Variants in LIMA1 observed in about 807,000 individuals in gnomAD.
LIMA1 encodes LIM domain and actin binding 1.
A neutral mutation model predicts 62.6 loss-of-function variants in LIMA1; 52 were observed. That is an observed-to-expected ratio of 0.83 (90% CI 0.67 to 1.05). The LOEUF (loss-of-function observed/expected upper bound fraction) is 1.05, where lower values mean the gene tolerates loss of function less well. Among genes scored for constraint, LIMA1 ranks in the 50% least tolerant of loss-of-function variants. LIMA1 has a pLI of 0.00. For missense variants in LIMA1, 780 were observed against 902.2 expected (o/e 0.86, Z 1.74); for synonymous variants, 302 against 317.8 (o/e 0.95, Z 0.53).
chr12:50,237,717 G>A (rs1941716164), intron 2 of LIMA1, among the ~76,000 whole-genome samples: 1 of 152,090 alleles, frequency 6.6e-6, no homozygotes, highest in Non-Finnish European at 1.5e-5. Flanking sequence ...AAACAAAACA[G>A]TATGATACTG....
At chr12:50,211,445 T>C (rs1862042) in intron 4 of LIMA1, among the ~76,000 whole-genome samples, 96,499 of 148,584 alleles carry the variant, frequency 0.65, 32,902 homozygotes, top group East Asian at 0.9. Context: ...GAGTTTGAGA[T>C]CAGCCTGGGC....
chr12:50,251,349 G>A (rs1046296069), intron 1 of LIMA1, among the ~76,000 whole-genome samples: 25 of 152,046 alleles, frequency 1.6e-4, no homozygotes, highest in African/African-American at 4.8e-4. Flanking sequence ...GGCCAGGCAC[G>A]GTGGCTCACA....
intron 1 of LIMA1, among the ~76,000 whole-genome samples, chr12:50,270,184 G>A (rs1260734739): frequency 7.2e-6 from 1 of 138,628 alleles, no homozygotes; most frequent in South Asian, 2.2e-4. Flanking sequence ...GCGATGAGCC[G>A]AGATCGCGCC....
At chr12:50,254,217 G>T (rs1383216029) in intron 1 of LIMA1, among the ~76,000 whole-genome samples, 1 of 151,990 alleles carries the variant, frequency 6.6e-6, no homozygotes, top group Non-Finnish European at 1.5e-5. Flanking sequence ...AAGAGTTAAA[G>T]GAAACATATA....
chr12:50,256,929 G>A (rs1039586752), intron 1 of LIMA1, among the ~76,000 whole-genome samples: 14 of 152,202 alleles, frequency 9.2e-5, no homozygotes, highest in Admixed American at 2.6e-4. Flanking sequence ...CAGAGGGTAC[G>A]TGATGTTGAT....
chr12:50,185,052 T>A (rs992962301), intron 9 of LIMA1, among the ~76,000 whole-genome samples: 4 of 152,272 alleles, frequency 2.6e-5, no homozygotes, highest in South Asian at 4.1e-4. Flanking sequence ...GGCTGGTTTC[T>A]AACTCCTAAC....
intron 8 of LIMA1, among the ~76,000 whole-genome samples, chr12:50,193,106 A>T (rs748713249): frequency 1.3e-5 from 2 of 152,132 alleles, no homozygotes; most frequent in Non-Finnish European, 2.9e-5. Flanking sequence ...GGCTCCATGA[A>T]GTTTTTTTCA....
chr12:50,242,819 ACTGGGATCTGGGC>A (rs1316379659), intron 2 of LIMA1, among the ~76,000 whole-genome samples: 5 of 152,222 alleles, frequency 3.3e-5, no homozygotes, highest in Non-Finnish European at 5.9e-5. Context: ...GGGATCTGGG[ACTGGGATCTGGGC>A]CTGGGATCTG....
intron 4 of LIMA1, among the ~76,000 whole-genome samples, chr12:50,221,430 G>A (rs1277385767): frequency 6.6e-6 from 1 of 152,170 alleles, no homozygotes; most frequent in East Asian, 1.9e-4. Flanking sequence ...AGCAGTTGTA[G>A]GAAAACGCAA....
chr12:50,270,532 G>C (rs936427965), intron 1 of LIMA1, among the ~76,000 whole-genome samples: 1 of 147,834 alleles, frequency 6.8e-6, no homozygotes, highest in Non-Finnish European at 1.5e-5. Flanking sequence ...TTCAGCCTTG[G>C]AGGTGGAGGT....
intron 1 of LIMA1, among the ~76,000 whole-genome samples, chr12:50,274,039 TG>T (rs1176487830): frequency 2.6e-5 from 4 of 152,194 alleles, no homozygotes; most frequent in Non-Finnish European, 5.9e-5. Context: ...TAATCCTGGT[TG>T]TCACAGTATC....
At chr12:50,214,166 A>G (rs1316356049) in intron 4 of LIMA1, among the ~76,000 whole-genome samples, 1 of 152,222 alleles carries the variant, frequency 6.6e-6, no homozygotes, top group Non-Finnish European at 1.5e-5. Flanking sequence ...GGATAGCCTT[A>G]TTTACATTTT....
intron 7 of LIMA1, among the ~76,000 whole-genome samples, chr12:50,197,383 T>A (rs1049957440): frequency 2.0e-5 from 3 of 152,040 alleles, no homozygotes; most frequent in Non-Finnish European, 4.4e-5. Context: ...GTCCTTTTTT[T>A]TTTTTTAACA....
intron 9 of LIMA1, among the ~76,000 whole-genome samples, chr12:50,183,826 A>AAC (rs1555203596): frequency 1.3e-5 from 2 of 151,088 alleles, no homozygotes; most frequent in African/African-American, 4.9e-5. Context: ...AAAAAAAAAA[A>AAC]AAAAAAAACC....
chr12:50,211,627 A>G (rs548451633), intron 4 of LIMA1, among the ~76,000 whole-genome samples: 3 of 152,286 alleles, frequency 2.0e-5, no homozygotes, highest in African/African-American at 7.2e-5. Flanking sequence ...CCTGGACGAT[A>G]TAACAAGGCC....
Position 50,233,132 on chromosome 12 carries a change from G to A in LIMA1, c.120-1422C>T, listed in dbSNP as rs1461567976. On this transcript the variant is annotated intron_variant, in intron 2 of 10. Transcript: ENST00000341247. ...GCTCTGATATAACAACAAGATCCCCGTGGATAAGGTCAAATGCTGAAACAA... is the reference window on the plus strand; with the variant it reads ...GCTCTGATATAACAACAAGATCCCCATGGATAAGGTCAAATGCTGAAACAA... Among the ~76,000 whole-genome samples, 4 of 152,156 alleles carry A rather than the reference G, an allele frequency of 2.6e-5. No homozygotes were observed. In the East Asian group the frequency reaches 5.8e-4, roughly 22 times the overall value.
intron 4 of LIMA1, among the ~76,000 whole-genome samples, chr12:50,209,663 TTTTA>T (rs1250715955): frequency 6.6e-6 from 1 of 151,854 alleles, no homozygotes; most frequent in Non-Finnish European, 1.5e-5. Flanking sequence ...CATTTTTAAT[TTTTA>T]TTTATTTATT....
intron 1 of LIMA1, among the ~76,000 whole-genome samples, chr12:50,274,935 G>C (rs985331056): frequency 3.3e-5 from 5 of 152,172 alleles, no homozygotes; most frequent in South Asian, 2.1e-4. Context: ...ACAGAGATGA[G>C]TAGTAGTCAG....
intron 1 of LIMA1, among the ~76,000 whole-genome samples, chr12:50,280,142 G>GGATTTTTTTT (rs1565868099): frequency 1.0e-5 from 1 of 95,824 alleles, no homozygotes. Context: ...CAGGGTAGTA[G>GGATTTTTTTT]TATTTTTTTT....
Sources: gnomAD v4.1 joint callset for allele counts (sites outside exome capture counted in the v4.1 genomes callset) on GRCh38, gnomAD v4.1.1 for gene constraint, MANE v1.5 for transcripts, NCBI Gene and HGNC (gene_info 2026-07-23, HGNC 2026-07-21) for gene names.